Variants in LMF2 observed in about 807,000 individuals in gnomAD.
LMF2 encodes transmembrane protein 112B.
Under a neutral mutation model 81.5 loss-of-function variants are expected in LMF2, and 113 were observed. That is an observed-to-expected ratio of 1.39 (90% CI 1.19 to 1.62). The LOEUF is 1.62. Ranked by LOEUF, LMF2 falls within the 40% of genes most tolerant of loss-of-function variation. LMF2 has a pLI of 0.00. For missense variants in LMF2, 1,235 were observed against 929.1 expected (o/e 1.33, Z -4.28); for synonymous variants, 645 against 424.5 (o/e 1.52, Z -6.39).
rs745355188 is a variant in LMF2, at chr22:50,505,560, G to A, written c.917-23C>T. The A allele has an allele frequency of 2.0e-5, 33 of 1,612,084 alleles. No individual in the cohort carries two copies. The East Asian group carries it at 5.6e-4, about 27-fold the overall frequency. The stretch of plus-strand genomic sequence containing the variant: ...AGGCTGTGGGGCAGGACAGTCATGG[G>A]TCAGCAGAGGGTCCCCAGCCAGGGG... On this transcript the variant is annotated intron_variant, in intron 6 of 13. Coordinates refer to ENST00000474879, the MANE Select transcript of LMF2 (RefSeq NM_033200.3).
At chr22:50,507,319 G>A in intron 1 of LMF2, 6 of 607,550 alleles carry the variant, frequency 9.9e-6, no homozygotes, top group Non-Finnish European at 1.7e-5. Flanking sequence ...TGTCCCACCA[G>A]GTCTGGGAGG....
chr22:50,504,509 C>T (rs1569518120), intron 11 of LMF2, 50 bp downstream of exon 11: 7 of 1,496,384 alleles, frequency 4.7e-6, no homozygotes, highest in South Asian at 1.2e-5. Context: ...CTCCCCTCCC[C>T]ACCCCGCTCC....
chr22:50,503,357 G>A lies in LMF2; in HGVS notation c.*34C>T. 1 of 1,607,210 alleles carries A rather than the reference G, an allele frequency of 6.2e-7. No homozygotes were observed. The highest frequency in any genetic ancestry group is 8.5e-7 in the Non-Finnish European group (1 of 1,177,570). On this transcript the variant is annotated 3_prime_UTR_variant, in exon 14 of 14. Transcript: ENST00000474879. ...GAGGCCAGAGCACTCCCGGCGACCT[G>A]GCCCTCTCAGGACGTGCAGCTGGGA...
rs2068601174 is a variant in LMF2, at chr22:50,507,006, C to T, written c.124G>A (p.Ala42Thr). The T allele has an allele frequency of 3.8e-6, 6 of 1,596,184 alleles. No homozygotes were observed. The highest frequency in any genetic ancestry group is 5.1e-6 in the Non-Finnish European group (6 of 1,178,428). ...CCCTGAGGCCGCAGCGTCCTCCTTG[C>T]AGGTAGGATGCCCTCGGGGCCATAC... ...GLYGPEGILP[A>T]RRTLRPQGKG... is the part of the protein sequence containing the mutation. The change falls in exon 2 of 14, where the codon GCA becomes ACA. Residue 42 changes from alanine to threonine, a missense_variant. Coordinates refer to ENST00000474879, the MANE Select transcript of LMF2 (RefSeq NM_033200.3).
Position 50,503,822 on chromosome 22 carries a change from G to A in LMF2, c.1801C>T (p.Gln601Ter). 1.2e-6 allele frequency: 2 copies of A among 1,605,632 alleles called. No individual in the cohort carries two copies. Among genetic ancestry groups the A allele is most frequent in the East Asian group, 2.2e-5 (1 of 44,850 alleles). The change falls in exon 13 of 14, where the codon CAG becomes TAG. Residue 601 changes from glutamine (Q) to a stop codon, truncating the protein, a stop_gained. Coordinates refer to ENST00000474879, the MANE Select transcript of LMF2 (RefSeq NM_033200.3). LOFTEE classifies it low-confidence loss of function (END_TRUNC). ...CACCCCCTTACCTGTAGTCCAAACT[G>A]CCTGAGCAGCGTCTCCAGCGTGGGG... ...GDPTLETLLR[Q>*]FGLQEKSPPR... is the part of the protein sequence containing the mutation.
Position 50,507,683 on chromosome 22 carries a change from A to ACGCGGCCCGCTAGAG in LMF2, c.-23_-9dup. On this transcript the variant is annotated 5_prime_UTR_variant, in exon 1 of 14. Coordinates refer to ENST00000474879, the MANE Select transcript of LMF2 (RefSeq NM_033200.3). ...GAGCCGGGAGCCCGCCATGTCCGCT[A>ACGCGGCCCGCTAGAG]CGCGGCCCGCTAGAGCAGGGCCCGC... is the stretch of plus-strand genomic sequence containing the variant. The ACGCGGCCCGCTAGAG allele has an allele frequency of 1.3e-6, 2 of 1,547,840 alleles. No individual in the cohort carries two copies. The highest frequency in any genetic ancestry group is 1.7e-6 in the Non-Finnish European group (2 of 1,145,872).
chr22:50,506,744 G>A, intron 2 of LMF2, 38 bp downstream of exon 2: 2 of 1,612,354 alleles, frequency 1.2e-6, no homozygotes, highest in East Asian at 2.2e-5. Context: ...GGTGGTGGGG[G>A]TTGGAGATAG....
chr22:50,505,620 G>C (rs2068540681), intron 6 of LMF2, 54 bp downstream of exon 6: 1 of 1,611,214 alleles, frequency 6.2e-7, no homozygotes. Context: ...TCCTGTGGGG[G>C]TGTTGGAGGG....
At chr22:50,505,898 T>C in intron 5 of LMF2, 83 bp from the exon 6 acceptor site, 3 of 1,584,946 alleles carry the variant, frequency 1.9e-6, no homozygotes, top group Non-Finnish European at 2.6e-6. Flanking sequence ...GCAGGGTGCA[T>C]CCCTCTGCTA....
In LMF2 at chr22:50,503,239, T is replaced by A. The variant is rs1168186525; in HGVS notation, c.*152A>T. 3.9e-6 allele frequency: 3 copies of A among 766,258 alleles called. No homozygotes were observed. Among genetic ancestry groups the A allele is most frequent in the Non-Finnish European group, 6.1e-6 (3 of 489,930 alleles). 47.5% of individuals were successfully genotyped at this position (766,258 alleles called of 1,614,324 possible). On this transcript the variant is annotated 3_prime_UTR_variant, in exon 14 of 14. Transcript: ENST00000474879. ...TGGGGGTGGGGCCTGGAGCCCTCAATGCAGCACCCTGCAAACCCCAGGGGC... is the reference window on the plus strand; with the variant it reads ...TGGGGGTGGGGCCTGGAGCCCTCAAAGCAGCACCCTGCAAACCCCAGGGGC...
Position 50,506,466 on chromosome 22 carries a change from C to G in LMF2, c.414G>C (p.Val138=), listed in dbSNP as rs1193439283. Residue 138 remains valine, a synonymous_variant, in exon 4 of 14, where the codon GTG becomes GTC. Transcript: ENST00000474879. ...AGGCTGGCCTCAGCGGGGCCACCAG[C>G]ACGGCCAGGAAGCCAGTCTCTAGCA... ...SLLLETGFLA[V]LVAPLRPASH... 6.4e-7 allele frequency: 1 copy of G among 1,551,184 alleles called. No homozygotes were observed.
At position 50,504,960 on chromosome 22, in the gene LMF2, C is replaced by G; in HGVS notation, c.1279G>C (p.Gly427Arg). ...CCGGTCCAGAGGCGCCCGTGGGTCC[C>G]GGGCTCCACGTAGGAGTACGGCACC... ...SLVPYSYVEP[G>R]THGRLWTGAH... Residue 427 changes from glycine to arginine, a missense_variant, in exon 10 of 14, where the codon GGG (glycine) becomes CGG (arginine). Physicochemically the swap from Gly to Arg is moderately radical, Grantham distance 125 (BLOSUM62 -2). Coordinates refer to ENST00000474879, the MANE Select transcript of LMF2 (RefSeq NM_033200.3). 6.2e-7 allele frequency: 1 copy of G among 1,608,620 alleles called. No individual in the cohort carries two copies. The highest frequency in any genetic ancestry group is 8.5e-7 in the Non-Finnish European group (1 of 1,177,076).
In LMF2 at chr22:50,504,971, T is replaced by A. The variant is rs1381379428; in HGVS notation, c.1268A>T (p.Tyr423Phe). 1 of 1,609,354 alleles carries A rather than the reference T, an allele frequency of 6.2e-7. No individual in the cohort carries two copies. The highest frequency in any genetic ancestry group is 1.1e-5 in the South Asian group (1 of 91,004). Residue 423 changes from tyrosine (Y) to phenylalanine (F), a missense_variant, in exon 10 of 14, where the codon TAC becomes TTC. Coordinates refer to ENST00000474879, the MANE Select transcript of LMF2 (RefSeq NM_033200.3). ...GCGCCCGTGGGTCCCGGGCTCCACGTAGGAGTACGGCACCTGGAGACAGGT... is the reference window on the plus strand; with the variant it reads ...GCGCCCGTGGGTCCCGGGCTCCACGAAGGAGTACGGCACCTGGAGACAGGT... Reference protein sequence around the residue: ...LFLISLVPYSYVEPGTHGRLW... With the variant: ...LFLISLVPYSFVEPGTHGRLW...
rs1339614222 is a variant in LMF2 at position 50,506,212 on chromosome 22, G to A, written c.597C>T (p.Ala199=). 1.3e-6 allele frequency: 2 copies of A among 1,554,084 alleles called. No individual in the cohort carries two copies. Among genetic ancestry groups the A allele is most frequent in the Non-Finnish European group, 1.7e-6 (2 of 1,149,012 alleles). The change falls in exon 5 of 14, where the codon GCC becomes GCT. Residue 199 remains alanine, a splice_region_variant and synonymous_variant. Transcript: ENST00000474879. ...ACTGGGTCTCGTAGTGGTAGGTGAG[G>A]GCTGCAGGCGAGGGCAGGAGTCAGG... is the stretch of plus-strand genomic sequence containing the variant. ...SRCPAWWGLT[A]LTYHYETQCL... is the part of the protein sequence containing the mutation.
rs939128670 is a variant in LMF2 at position 50,506,207 on chromosome 22, GT to G, written c.601del (p.Thr201ProfsTer34). 6 of 1,555,908 alleles carry G rather than the reference GT, an allele frequency of 3.9e-6. No individual in the cohort carries two copies. The highest frequency in any genetic ancestry group is 1.4e-5 in the African/African-American group (1 of 73,476). ...CPAWWGLTAL[T>X]YHYETQCLPT... is the part of the protein sequence containing the mutation. ...CAGGCACTGGGTCTCGTAGTGGTAG[GT>G]GAGGGCTGCAGGCGAGGGCAGGAGT... On this transcript the variant is annotated frameshift_variant, in exon 5 of 14. Transcript: ENST00000474879. LOFTEE classifies it high-confidence loss of function.
chr22:50,504,625 C>T lies in LMF2; in HGVS notation c.1540G>A (p.Gly514Ser). The change falls in exon 11 of 14, where the codon GGC becomes AGC. Residue 514 changes from glycine to serine, a missense_variant. By Grantham distance (56) the Gly-to-Ser change is moderately conservative (BLOSUM62 0). Coordinates refer to ENST00000474879, the MANE Select transcript of LMF2 (RefSeq NM_033200.3). The stretch of plus-strand genomic sequence containing the variant: ...AACCACGGGCTGTGCGTGTGTGGGC[C>T]CAGGGCTGCAAACCACATCTGCCAG... The part of the protein sequence containing the change: ...LDWQMWFAAL[G>S]PHTHSPWFTS... The T allele has an allele frequency of 6.2e-7, 1 of 1,607,920 alleles. No individual in the cohort carries two copies. The highest frequency in any genetic ancestry group is 8.5e-7 in the Non-Finnish European group (1 of 1,179,326).
intron 1 of LMF2, chr22:50,507,358 C>G (rs916548571): frequency 1.6e-6 from 1 of 609,422 alleles, no homozygotes; most frequent in African/African-American, 1.9e-5. Flanking sequence ...TCTCAGAGTT[C>G]TGTCCCCCAC....
chr22:50,505,794 T>G lies in LMF2; in HGVS notation c.796A>C (p.Ile266Leu). 6.2e-7 allele frequency: 1 copy of G among 1,613,124 alleles called. No homozygotes were observed. ...AAGAAGTTGTAGTTGCCGGTGATGA[T>G]AATCAGGACCTGCAGCAGCACCTGG... ...YSQVLLQVLI[I>L]ITGNYNFFNL... The change falls in exon 6 of 14, where the codon ATC (isoleucine) becomes CTC (leucine). Residue 266 changes from isoleucine to leucine, a missense_variant. Transcript: ENST00000474879.
At chr22:50,504,505 T>G in intron 11 of LMF2, 54 bp from the exon 12 acceptor site, 5 of 500,490 alleles carry the variant, frequency 1.0e-5, no homozygotes, top group African/African-American at 4.8e-5. Context: ...GCCCCTCCCC[T>G]CCCCACCCCG....
Sources: gnomAD v4.1 joint callset for allele counts on GRCh38, gnomAD v4.1.1 for gene constraint, MANE v1.5 for transcripts, NCBI Gene and HGNC (gene_info 2026-07-23, HGNC 2026-07-21) for gene names.